CDK14: variants seen among roughly 807,000 people sequenced by gnomAD.
CDK14 encodes cyclin-dependent kinase 14.
In CDK14, 34 loss-of-function variants were observed where a neutral mutation model predicts 60.7. The observed-to-expected ratio is 0.56, with a 90% CI of 0.43 to 0.75. CDK14 has a LOEUF of 0.75. Among genes scored for constraint, CDK14 ranks in the 30% least tolerant of loss-of-function variants. The probability of loss-of-function intolerance (pLI) is 0.00; values close to 1 mark genes in which losing one functional copy is unlikely to be tolerated. For synonymous variants in CDK14, 197 were observed against 203.7 expected, an observed-to-expected ratio of 0.97 and a Z score of 0.28; for missense variants, 482 against 564.1, an observed-to-expected ratio of 0.85 and a Z score of 1.47.
At chr7:90,750,195 CACACACCAAT>C (rs1803777603) in intron 4 of CDK14, among the ~76,000 whole-genome samples, 1 of 77,232 alleles carries the variant, frequency 1.3e-5, no homozygotes, top group Non-Finnish European at 3.2e-5. Context: ...CACACACACA[CACACACCAAT>C]AATATTACAG....
At chr7:90,696,049 C>T (rs1801648732) in intron 2 of CDK14, among the ~76,000 whole-genome samples, 1 of 152,154 alleles carries the variant, frequency 6.6e-6, no homozygotes, top group South Asian at 2.1e-4. Flanking sequence ...AGGCTGTGGT[C>T]ATCACCTAGG....
intron 10 of CDK14, among the ~76,000 whole-genome samples, chr7:90,999,560 G>T (rs1306029772): frequency 6.6e-6 from 1 of 152,152 alleles, no homozygotes; most frequent in Non-Finnish European, 1.5e-5. Context: ...CTGCACTCCA[G>T]CCTGGGTGAC....
intron 5 of CDK14, among the ~76,000 whole-genome samples, chr7:90,814,151 A>C (rs1280044286): frequency 6.6e-6 from 1 of 152,242 alleles, no homozygotes; most frequent in Non-Finnish European, 1.5e-5. Context: ...ATTAGTAAAG[A>C]AAGATGTATA....
At chr7:90,602,307 T>A (rs1799333880) in intron 1 of CDK14, among the ~76,000 whole-genome samples, 1 of 152,222 alleles carries the variant, frequency 6.6e-6, no homozygotes, top group African/African-American at 2.4e-5. Flanking sequence ...TTAAATGAGC[T>A]AGGTATGAGG....
intron 14 of CDK14, among the ~76,000 whole-genome samples, chr7:91,187,161 A>G (rs1391327491): frequency 3.3e-5 from 5 of 152,242 alleles, no homozygotes; most frequent in Non-Finnish European, 7.3e-5. Flanking sequence ...ATTTTAAAAT[A>G]TGGTTAAGTA....
chr7:90,663,101 CACACACACACACACACA>C (rs1207180152), intron 2 of CDK14, among the ~76,000 whole-genome samples: 2 of 146,002 alleles, frequency 1.4e-5, no homozygotes, highest in African/African-American at 5.0e-5. Flanking sequence ...TGGGAACACA[CACACACACACACACACA>C]CACACACACA....
chr7:91,065,164 A>G (rs1357543379), intron 11 of CDK14, among the ~76,000 whole-genome samples: 1 of 152,210 alleles, frequency 6.6e-6, no homozygotes, highest in Non-Finnish European at 1.5e-5. Flanking sequence ...GATTTCCTAT[A>G]GCCAGGGCAA....
chr7:91,090,560 C>A (rs1270752421), intron 12 of CDK14, among the ~76,000 whole-genome samples: 4 of 152,230 alleles, frequency 2.6e-5, no homozygotes, highest in South Asian at 2.1e-4. Context: ...AACTTCTGAT[C>A]AGCTTGAAGC....
At chr7:91,015,670 G>A (rs1422903508) in intron 10 of CDK14, among the ~76,000 whole-genome samples, 2 of 151,456 alleles carry the variant, frequency 1.3e-5, no homozygotes, top group African/African-American at 4.9e-5. Flanking sequence ...TGGGACTACA[G>A]GCACCCGCCA....
chr7:90,671,897 G>A (rs558818618), intron 2 of CDK14, among the ~76,000 whole-genome samples: 14 of 152,290 alleles, frequency 9.2e-5, no homozygotes, highest in Admixed American at 2.6e-4. Context: ...AAAGACAATC[G>A]TGTTTAAGCC....
intron 14 of CDK14, among the ~76,000 whole-genome samples, chr7:91,177,018 T>G (rs1801789211): frequency 6.7e-6 from 1 of 149,910 alleles, no homozygotes. Context: ...AAAGAGAATT[T>G]TAGACCAATA....
chr7:91,140,399 A>C (rs1419915322), intron 14 of CDK14, among the ~76,000 whole-genome samples: 3 of 152,214 alleles, frequency 2.0e-5, no homozygotes, highest in African/African-American at 7.2e-5. Context: ...TCTTTTGTTT[A>C]ATCCTGAGTT....
At chr7:90,973,670 G>T (rs1017823969) in intron 9 of CDK14, among the ~76,000 whole-genome samples, 3 of 152,024 alleles carry the variant, frequency 2.0e-5, no homozygotes, top group African/African-American at 7.2e-5. Context: ...GGCCTCTGGG[G>T]GTGTCATCAC....
intron 8 of CDK14, among the ~76,000 whole-genome samples, chr7:90,928,417 C>T (rs1793489823): frequency 6.6e-6 from 1 of 152,142 alleles, no homozygotes; most frequent in South Asian, 2.1e-4. Context: ...GATGTCCTTT[C>T]TGTTTGTTAG....
chr7:90,790,773 ATG>A (rs1439074559), intron 5 of CDK14, 121 bp downstream of exon 5: 3 of 576,036 alleles, frequency 5.2e-6, no homozygotes, highest in Non-Finnish European at 9.1e-6. Context: ...TTTCATTAAA[ATG>A]TGTAAACTGA....
intron 12 of CDK14, among the ~76,000 whole-genome samples, chr7:91,097,399 A>G (rs1401473620): frequency 6.6e-6 from 1 of 151,984 alleles, no homozygotes; most frequent in Non-Finnish European, 1.5e-5. Flanking sequence ...AAAAAAATAC[A>G]AAAAAAATTT....
intron 14 of CDK14, among the ~76,000 whole-genome samples, chr7:91,153,067 G>A (rs1800870019): frequency 6.6e-6 from 1 of 152,208 alleles, no homozygotes; most frequent in East Asian, 1.9e-4. Context: ...AGGGCTGGTG[G>A]GAATGGATCA....
chr7:91,089,566 A>AG lies in CDK14; in HGVS notation c.1154+10090dup, dbSNP rs199975112. On this transcript the variant is annotated intron_variant, in intron 12 of 14. Transcript: ENST00000380050. ...GGCCTGTAGAGGGCAGCATGCTCTG[A>AG]GGGGAAAAAAAAAAAAAAACAGGCA... Among the ~76,000 whole-genome samples, 8 of 101,808 alleles carry AG rather than the reference A, an allele frequency of 7.9e-5. No homozygotes were observed. The South Asian group carries it at 2.6e-3, about 33-fold the overall frequency. 66.8% of individuals were successfully genotyped at this position (101,808 alleles called of 152,430 possible). A position where few individuals can be genotyped will look rare whatever the true frequency, so the allele number is the denominator to read the frequency against.
In CDK14 at chr7:90,649,244, C is replaced by CTTTCTTTCTTTG. The variant is rs1563029599; in HGVS notation, c.123+45006_123+45007insGTTTCTTTCTTT. Among the ~76,000 whole-genome samples the CTTTCTTTCTTTG allele has an allele frequency of 6.4e-4, 17 of 26,692 alleles. 3 individuals carry two copies. In the East Asian group the frequency reaches 8.6e-3, roughly 13 times the overall value. 17.5% of individuals were successfully genotyped at this position (26,692 alleles called of 152,430 possible). A position where few individuals can be genotyped will look rare whatever the true frequency, so the allele number is the denominator to read the frequency against. ...AACAGCTCTAGCCTATAGTTTCTTT[C>CTTTCTTTCTTTG]TTTCTTTCTTTCTTTCTTTCTTTCT... is the stretch of plus-strand genomic sequence containing the variant. On this transcript the variant is annotated intron_variant, in intron 2 of 14. Coordinates refer to ENST00000380050, the MANE Select transcript of CDK14 (RefSeq NM_001287135.2).
Sources: gnomAD v4.1 joint callset for allele counts (sites outside exome capture counted in the v4.1 genomes callset) on GRCh38, gnomAD v4.1.1 for gene constraint, MANE v1.5 for transcripts, NCBI Gene and HGNC (gene_info 2026-07-23, HGNC 2026-07-21) for gene names.